The following AMZ2 variants were observed in gnomAD, a reference collection of about 807,000 sequenced individuals.
The protein encoded by AMZ2 is archaelysin family metallopeptidase 2.
Under a neutral mutation model 36.7 loss-of-function variants are expected in AMZ2, and 26 were observed. That is an observed-to-expected ratio of 0.71 (90% CI 0.52 to 0.98). AMZ2 has a LOEUF of 0.98. AMZ2 is among the 50% of genes least tolerant of loss of function. The pLI is 0.00. For synonymous variants in AMZ2, 144 were observed against 149.1 expected, an observed-to-expected ratio of 0.97 and a Z score of 0.25; for missense variants, 394 against 430.5, an observed-to-expected ratio of 0.92 and a Z score of 0.75.
Position 68,248,158 on chromosome 17 carries a change from G to T in AMZ2, c.-548G>T, listed in dbSNP as rs1555736897. 5.1e-6 allele frequency: 5 copies of T among 986,380 alleles called. No individual in the cohort carries two copies. The highest frequency in any genetic ancestry group is 1.7e-5 in the African/African-American group (1 of 57,266). The allele number at this position is 986,380 out of a possible 1,614,324, so 61.1% of individuals were successfully genotyped here. A position where few individuals can be genotyped will look rare whatever the true frequency, so the allele number is the denominator to read the frequency against. ...GTCAGAGCTGGGCCGGGGCCCCTAG[G>T]CAGGGTAGCCGGGTCGTAGAGGCGG... On this transcript the variant is annotated 5_prime_UTR_variant, in exon 1 of 7. Transcript: ENST00000359904.
intron 1 of AMZ2, among the ~76,000 whole-genome samples, chr17:68,227,035 G>A (rs369993348): frequency 5.3e-5 from 8 of 151,232 alleles, no homozygotes; most frequent in African/African-American, 1.5e-4. Context: ...CTATGGCTTC[G>A]GGCACCGAGA....
At chr17:68,251,978 TTAGGGA>T in intron 4 of AMZ2, among the ~76,000 whole-genome samples, 1 of 152,284 alleles carries the variant, frequency 6.6e-6, no homozygotes, top group East Asian at 1.9e-4. Context: ...TATGGTAATA[TTAGGGA>T]TGGGAAAGGT....
chr17:68,228,780 G>T (rs2073580967), intron 1 of AMZ2, among the ~76,000 whole-genome samples: 1 of 152,238 alleles, frequency 6.6e-6, no homozygotes, highest in Non-Finnish European at 1.5e-5. Flanking sequence ...ATGCTGCCTT[G>T]GCCTGGCATT....
chr17:68,243,699 T>C (rs1430816929), upstream of AMZ2, among the ~76,000 whole-genome samples: 1 of 152,244 alleles, frequency 6.6e-6, no homozygotes, highest in Admixed American at 6.5e-5. Flanking sequence ...TCGACCTGTT[T>C]ATACACCGTT....
At position 68,250,200 on chromosome 17, in the gene AMZ2, C is replaced by A. The variant is rs532820909; in HGVS notation, c.13C>A (p.Arg5=). 1 of 1,612,342 alleles carries A rather than the reference C, an allele frequency of 6.2e-7. No individual in the cohort carries two copies. The highest frequency in any genetic ancestry group is 8.5e-7 in the Non-Finnish European group (1 of 1,179,352). Residue 5 remains arginine (R), a synonymous_variant, in exon 2 of 7, where the codon CGG becomes AGG. Coordinates refer to ENST00000359904, the MANE Select transcript of AMZ2 (RefSeq NM_016627.5). MQII[R]HSEQTLKTAL... ...TTTTTTTTGTTAGATGCAAATAATA[C>A]GGCACTCCGAACAGACACTAAAAAC... is the stretch of plus-strand genomic sequence containing the variant.
chr17:68,206,531 T>TG lies in AMZ2; in HGVS notation c.-67+294dup, dbSNP rs1443553834. The TG allele has an allele frequency of 1.9e-5, 3 of 157,626 alleles. No individual in the cohort carries two copies. In the Admixed American group the frequency reaches 1.9e-4, roughly 10 times the overall value. 9.8% of individuals were successfully genotyped at this position (157,626 alleles called of 1,614,324 possible). On this transcript the variant is annotated intron_variant, in intron 1 of 7. Transcript: ENST00000674770. ...CTCTTCAAAATTTGTGCCAGTGCAG[T>TG]GTCTCCACCGGGCAGGATTGAAACT...
intron 1 of AMZ2, among the ~76,000 whole-genome samples, chr17:68,237,453 T>C (rs16976461): frequency 0.06 from 9,148 of 152,110 alleles, 489 homozygotes; most frequent in Admixed American, 0.13. Context: ...GCAAGTGTCA[T>C]CTCTGACGAC....
Position 68,251,156 on chromosome 17 carries a change from T to G in AMZ2, c.564T>G (p.Phe188Leu). ...CAAGAGACTCGTGGAATTTTGTCTT[T>G]GGACAGGCCTCTTTGACAGATGGTA... ...LYPRDSWNFV[F>L]GQASLTDGVG... The change falls in exon 4 of 7, where the codon TTT (phenylalanine) becomes TTG (leucine). Residue 188 changes from phenylalanine (F) to leucine (L), a missense_variant. Transcript: ENST00000359904. The G allele has an allele frequency of 6.2e-7, 1 of 1,613,642 alleles. No homozygotes were observed. The highest frequency in any genetic ancestry group is 8.5e-7 in the Non-Finnish European group (1 of 1,179,924).
intron 1 of AMZ2, among the ~76,000 whole-genome samples, chr17:68,221,480 A>T (rs1555728533): frequency 6.6e-6 from 1 of 152,150 alleles, no homozygotes; most frequent in African/African-American, 2.4e-5. Context: ...CTGTAATCCC[A>T]GCACTTTGGG....
intron 1 of AMZ2, among the ~76,000 whole-genome samples, chr17:68,226,291 G>T (rs559335352): frequency 2.0e-5 from 3 of 152,290 alleles, no homozygotes; most frequent in Admixed American, 1.3e-4. Flanking sequence ...TCTGTTTTGT[G>T]CCTTAAGAGT....
chr17:68,215,153 C>T (rs2073164825), intron 1 of AMZ2, among the ~76,000 whole-genome samples: 1 of 152,202 alleles, frequency 6.6e-6, no homozygotes, highest in Non-Finnish European at 1.5e-5. Context: ...GTCACCTTAA[C>T]CCAGAAACTG....
At chr17:68,208,722 C>T (rs2072922206) in intron 1 of AMZ2, among the ~76,000 whole-genome samples, 1 of 152,170 alleles carries the variant, frequency 6.6e-6, no homozygotes, top group South Asian at 2.1e-4. Context: ...CTGTAATACT[C>T]ACCGCGACGG....
chr17:68,239,662 C>T (rs782120328), intron 1 of AMZ2, among the ~76,000 whole-genome samples: 1 of 152,100 alleles, frequency 6.6e-6, no homozygotes, highest in African/African-American at 2.4e-5. Context: ...AGTTAGGAAA[C>T]GATCCTACTC....
At chr17:68,232,712 G>A (rs545818881) in intron 1 of AMZ2, among the ~76,000 whole-genome samples, 1 of 152,074 alleles carries the variant, frequency 6.6e-6, no homozygotes, top group Admixed American at 6.6e-5. Context: ...GTGTGGTGCT[G>A]CATGCCTGTA....
At chr17:68,231,761 C>T (rs2073669417) in intron 1 of AMZ2, among the ~76,000 whole-genome samples, 1 of 152,168 alleles carries the variant, frequency 6.6e-6, no homozygotes, top group Non-Finnish European at 1.5e-5. Context: ...CCACCACCTC[C>T]ACCAATTTGG....
At position 68,250,307 on chromosome 17, in the gene AMZ2, C is replaced by A. The variant is rs1282655686; in HGVS notation, c.120C>A (p.Ala40=). The stretch of plus-strand genomic sequence containing the variant: ...GGGAACAACGTTTAATGAATGAAGC[C>A]TTCCAGCCAGCCAGTGATCTCTTTG... ...NAGEQRLMNE[A]FQPASDLFGP... is the part of the protein sequence containing the mutation. The change falls in exon 2 of 7, where the codon GCC becomes GCA. Residue 40 remains alanine (A), a synonymous_variant. Transcript: ENST00000359904. 3 of 1,614,060 alleles carry A rather than the reference C, an allele frequency of 1.9e-6. No homozygotes were observed. The African/African-American group carries it at 4.0e-5, about 22-fold the overall frequency.
intron 1 of AMZ2, among the ~76,000 whole-genome samples, chr17:68,233,382 A>G (rs1339779192): frequency 6.6e-6 from 1 of 151,840 alleles, no homozygotes. Context: ...GGTCGTGGGC[A>G]TTTGTAATCC....
chr17:68,214,628 T>C (rs1210598793), intron 1 of AMZ2, among the ~76,000 whole-genome samples: 1 of 152,162 alleles, frequency 6.6e-6, no homozygotes, highest in African/African-American at 2.4e-5. Context: ...CTTGTTATCA[T>C]TGCGTTTTGA....
At chr17:68,208,934 G>A (rs565731135) in intron 1 of AMZ2, among the ~76,000 whole-genome samples, 2 of 152,344 alleles carry the variant, frequency 1.3e-5, no homozygotes, top group African/African-American at 4.8e-5. Context: ...ACAAACTCCG[G>A]ACACGCCGCC....
Sources: allele counts gnomAD v4.1 joint callset (sites outside exome capture counted in the v4.1 genomes callset), GRCh38; gene constraint gnomAD v4.1.1; transcripts MANE v1.5; gene names NCBI Gene and HGNC (gene_info 2026-07-23, HGNC 2026-07-21).